EML2: variants seen among roughly 807,000 people sequenced by gnomAD.
EML2 encodes the protein EMAP like 2, also known as echinoderm microtubule-associated protein-like 2.
In EML2, 59 loss-of-function variants were observed where a neutral mutation model predicts 84.7. The observed-to-expected ratio is 0.70, with a 90% confidence interval of 0.56 to 0.86. The LOEUF (loss-of-function observed/expected upper bound fraction) is 0.86. EML2 is among the 40% of genes least tolerant of loss of function. The pLI, the probability that EML2 is intolerant of heterozygous loss-of-function variation, is 0.00. For synonymous variants in EML2, 352 were observed against 348.9 expected (o/e 1.01, Z -0.10); for missense variants, 818 against 855.6 (o/e 0.96, Z 0.55).
upstream of EML2, chr19:45,645,416 T>C (rs1469824692): frequency 3.4e-6 from 5 of 1,473,440 alleles, no homozygotes; most frequent in South Asian, 1.3e-5. Flanking sequence ...TGCCTCCCGT[T>C]GCCATAGCAA....
upstream of EML2, among the ~76,000 whole-genome samples, chr19:45,639,794 GACCA>G (rs1974241174): frequency 6.6e-6 from 1 of 152,144 alleles, no homozygotes; most frequent in Non-Finnish European, 1.5e-5. Context: ...AGGAGTTCAA[GACCA>G]GCCTGGCCAA....
chr19:45,628,196 C>G (rs1972593535), intron 7 of EML2, among the ~76,000 whole-genome samples: 1 of 151,468 alleles, frequency 6.6e-6, no homozygotes, highest in African/African-American at 2.4e-5. Context: ...GTGGCGAAAC[C>G]CCATCTCTAC....
At chr19:45,645,433 T>G, upstream of EML2, 1 of 1,451,346 alleles carries the variant, frequency 6.9e-7, no homozygotes, top group Non-Finnish European at 9.0e-7. Flanking sequence ...GCAACGCCCT[T>G]CGTTCCAGCA....
chr19:45,615,894 G>C lies in EML2; in HGVS notation c.1510-5C>G, dbSNP rs781520013. 4 of 1,612,538 alleles carry C rather than the reference G, an allele frequency of 2.5e-6. No homozygotes were observed. Among genetic ancestry groups the C allele is most frequent in the South Asian group, 1.1e-5 (1 of 91,034 alleles). On this transcript the variant is annotated splice_region_variant and splice_polypyrimidine_tract_variant and intron_variant, in intron 15 of 18. Transcript: ENST00000245925. ...GGTGATAAAACTGGAATGGCCCTGC[G>C]GGGGAGGGAAGGGATGGTGTTAGAG...
chr19:45,616,974 G>T, intron 13 of EML2, 121 bp from the exon 14 acceptor site: 1 of 722,324 alleles, frequency 1.4e-6, no homozygotes, highest in South Asian at 1.6e-5. Context: ...GGCTGGGCAC[G>T]GTGGCTCAGG....
At chr19:45,632,706 G>A (rs2122754830) in intron 6 of EML2, 155 bp downstream of exon 6, 1 of 644,740 alleles carries the variant, frequency 1.6e-6, no homozygotes, top group Non-Finnish European at 2.7e-6. Flanking sequence ...CCCGCCCCTT[G>A]GGGTGAGGAC....
At chr19:45,642,108 C>G, upstream of EML2, 1 of 1,468,112 alleles carries the variant, frequency 6.8e-7, no homozygotes, top group Non-Finnish European at 9.0e-7. Context: ...CCTCCCCATC[C>G]CACCCCTCCA....
At chr19:45,617,353 C>A (rs1384367389) in intron 13 of EML2, among the ~76,000 whole-genome samples, 1 of 151,224 alleles carries the variant, frequency 6.6e-6, no homozygotes, top group Non-Finnish European at 1.5e-5. Context: ...GTCAGGAGTT[C>A]GAGACCAGCC....
intron 3 of EML2, among the ~76,000 whole-genome samples, chr19:45,637,995 A>C (rs915970637): frequency 6.6e-6 from 1 of 151,974 alleles, no homozygotes; most frequent in African/African-American, 2.4e-5. Flanking sequence ...TATTTCCTGT[A>C]AAGACGAGGT....
At chr19:45,609,833 A>T in intron 18 of EML2, 45 bp from the exon 19 acceptor site, 2 of 1,599,084 alleles carry the variant, frequency 1.3e-6, no homozygotes, top group Non-Finnish European at 1.7e-6. Flanking sequence ...AGTGGGGACA[A>T]TGCCACCCCA....
intron 18 of EML2, among the ~76,000 whole-genome samples, chr19:45,611,830 G>A (rs1193761841): frequency 6.6e-6 from 1 of 151,822 alleles, no homozygotes; most frequent in Non-Finnish European, 1.5e-5. Flanking sequence ...TCAATTTAGA[G>A]GGCTAAAAGA....
chr19:45,644,695 C>CT (rs1336606415), upstream of EML2: 1 of 456,030 alleles, frequency 2.2e-6, no homozygotes, highest in South Asian at 1.5e-5. Context: ...CCCTCTTCTC[C>CT]TATCTCCCCT....
At chr19:45,632,802 G>T in intron 6 of EML2, 59 bp downstream of exon 6, 1 of 1,457,624 alleles carries the variant, frequency 6.9e-7, no homozygotes, top group Non-Finnish European at 9.5e-7. Flanking sequence ...GAAAAGGTGC[G>T]GGCACTTGCC....
chr19:45,634,162 T>C (rs918348798), intron 4 of EML2, among the ~76,000 whole-genome samples, 160 bp downstream of exon 4: 4 of 152,204 alleles, frequency 2.6e-5, no homozygotes, highest in Non-Finnish European at 5.9e-5. Context: ...TCCCACTAAA[T>C]TCAGCCTGAG....
chr19:45,644,999 C>A, upstream of EML2: 1 of 550,784 alleles, frequency 1.8e-6, no homozygotes, highest in Non-Finnish European at 3.3e-6. Flanking sequence ...AGGCCGTTCC[C>A]CCTTCCAATC....
chr19:45,626,846 G>C lies in EML2; in HGVS notation c.607-7C>G, dbSNP rs1430671601. 3.7e-6 allele frequency: 6 copies of C among 1,606,656 alleles called. No homozygotes were observed. Among genetic ancestry groups the C allele is most frequent in the Non-Finnish European group, 5.1e-6 (6 of 1,176,094 alleles). On this transcript the variant is annotated splice_polypyrimidine_tract_variant and splice_region_variant and intron_variant, in intron 7 of 18. Transcript: ENST00000245925. ...ATACAGCCTCATTGGAGCACTTTGG[G>C]GGGTGGGGGAGATTCTGAATGAGGA...
chr19:45,630,378 C>T (rs1413753405), intron 6 of EML2, among the ~76,000 whole-genome samples: 1 of 151,442 alleles, frequency 6.6e-6, no homozygotes, highest in Non-Finnish European at 1.5e-5. Flanking sequence ...ATAGTGAAAC[C>T]CTGTCTCTAC....
In EML2 at chr19:45,633,143, C is replaced by T. The variant is rs748473356; in HGVS notation, c.330-4G>A. The T allele has an allele frequency of 1.2e-6, 2 of 1,605,812 alleles. No homozygotes were observed. The highest frequency in any genetic ancestry group is 3.4e-5 in the Admixed American group (2 of 58,386). ...CATATCTGGGTGGATGGCCAAGCTG[C>T]GGAAAGAAGGGACAGAGAGACCAGG... On this transcript the variant is annotated splice_region_variant and splice_polypyrimidine_tract_variant and intron_variant, in intron 4 of 18. Coordinates refer to ENST00000245925, the MANE Select transcript of EML2 (RefSeq NM_012155.4).
At chr19:45,633,001 G>A (rs373640013) in intron 5 of EML2, 30 bp from the exon 6 acceptor site, 12 of 1,604,596 alleles carry the variant, frequency 7.5e-6, no homozygotes, top group South Asian at 1.1e-5. Flanking sequence ...GTTACCTTGG[G>A]GGTGCCAGCT....
Sources: allele counts gnomAD v4.1 joint callset (sites outside exome capture counted in the v4.1 genomes callset), GRCh38; gene constraint gnomAD v4.1.1; transcripts MANE v1.5; gene names NCBI Gene and HGNC (gene_info 2026-07-23, HGNC 2026-07-21).